The following LRRC31 variants were observed in gnomAD, a reference collection of about 807,000 sequenced individuals.
The protein encoded by LRRC31 is leucine rich repeat containing 31, also known as leucine-rich repeat-containing protein 31.
A neutral mutation model predicts 46.7 loss-of-function variants in LRRC31; 35 were observed. The ratio of observed to expected loss-of-function variants is 0.75; its 90% CI spans 0.57 to 0.99. LRRC31 has a LOEUF of 0.99. Ranked by LOEUF, LRRC31 falls within the 50% of genes least tolerant of loss-of-function variation. LRRC31 has a pLI of 0.00. For synonymous variants in LRRC31, 236 were observed against 235.1 expected (o/e 1.00, Z -0.03); for missense variants, 613 against 626.1 (o/e 0.98, Z 0.22).
At chr3:169,840,357 G>A in intron 8 of LRRC31, 44 bp from the exon 9 acceptor site, 3 of 1,582,960 alleles carry the variant, frequency 1.9e-6, no homozygotes. Flanking sequence ...CAAGAATACT[G>A]TCTGCCATGG....
chr3:169,863,684 T>A (rs1781241075), intron 1 of LRRC31, among the ~76,000 whole-genome samples: 1 of 152,200 alleles, frequency 6.6e-6, no homozygotes, highest in African/African-American at 2.4e-5. Flanking sequence ...GCATTTAATT[T>A]TGGGTAGAGT....
chr3:169,851,434 C>A lies in LRRC31; in HGVS notation c.1159+185G>T, dbSNP rs562182032. On this transcript the variant is annotated intron_variant, in intron 7 of 8. Transcript: ENST00000316428. Reference sequence around the variant, plus strand: ...TACAAACAACAACAACAAAAAAAACCCTGCACATACTAGAATCATTTTTAT... The same window carrying A: ...TACAAACAACAACAACAAAAAAAACACTGCACATACTAGAATCATTTTTAT... Among the ~76,000 whole-genome samples, 3 of 152,082 alleles carry A rather than the reference C, an allele frequency of 2.0e-5. No individual in the cohort carries two copies. In the East Asian group the frequency reaches 5.8e-4, roughly 29 times the overall value.
Position 169,863,518 on chromosome 3 carries a change from CTTGTGGCTTCCTGT to C in LRRC31, c.176-1719_176-1706del, listed in dbSNP as rs374077883. ...AACTACACCTGTAATCCACAGCAGT[CTTGTGGCTTCCTGT>C]TTGGTCTAAGAAAACCACACGTAGG... On this transcript the variant is annotated intron_variant, in intron 1 of 8. Transcript: ENST00000316428. 3.7e-3 allele frequency among the ~76,000 whole-genome samples: 570 copies of C among 152,340 alleles called. 2 individuals carry two copies. The highest frequency in any genetic ancestry group is 5.3e-3 in the Non-Finnish European group (358 of 68,028).
At chr3:169,856,982 A>G in intron 3 of LRRC31, 110 bp from the exon 4 acceptor site, 1 of 1,054,100 alleles carries the variant, frequency 9.5e-7, no homozygotes, top group African/African-American at 1.6e-5. Flanking sequence ...TGGGCCAGGT[A>G]CTGTCCTGTT....
rs1211232528 is a variant in LRRC31, at chr3:169,856,477, G to A, written c.682C>T (p.Leu228Phe). 1 of 1,601,814 alleles carries A rather than the reference G, an allele frequency of 6.2e-7. No individual in the cohort carries two copies. Among genetic ancestry groups the A allele is most frequent in the South Asian group, 1.1e-5 (1 of 88,958 alleles). Residue 228 changes from leucine to phenylalanine, a missense_variant, in exon 5 of 9, where the codon CTC becomes TTC. Leu to Phe is a conservative substitution (Grantham distance 22, BLOSUM62 0). Transcript: ENST00000316428. ...TTAATGGAAAGATCAAGTACTTCGA[G>A]ACTTTGCAGCATAGGTAGCAGTTGA... ...LGQLLPMLQS[L>F]EVLDLSINRD...
intron 1 of LRRC31, among the ~76,000 whole-genome samples, chr3:169,868,043 G>A (rs1011292777): frequency 3.3e-5 from 5 of 152,180 alleles, no homozygotes; most frequent in African/African-American, 7.2e-5. Context: ...TGTGGGAATT[G>A]AGCAATATAA....
At chr3:169,855,018 C>CA (rs1780899672) in intron 5 of LRRC31, 38 bp from the exon 6 acceptor site, 1 of 1,575,382 alleles carries the variant, frequency 6.3e-7, no homozygotes, top group Non-Finnish European at 8.6e-7. Context: ...GGTAGCTGGA[C>CA]ACAGTGGTGT....
chr3:169,844,316 AT>A (rs1448707686), intron 8 of LRRC31, among the ~76,000 whole-genome samples: 2 of 152,216 alleles, frequency 1.3e-5, no homozygotes, highest in African/African-American at 2.4e-5. Flanking sequence ...AATTATTATC[AT>A]TCATTATTAT....
intron 6 of LRRC31, among the ~76,000 whole-genome samples, chr3:169,854,001 A>G (rs747360274): frequency 3.9e-5 from 6 of 152,240 alleles, no homozygotes; most frequent in Admixed American, 2.6e-4. Flanking sequence ...GAGCATGGGC[A>G]AAGGGCCCAA....
intron 8 of LRRC31, among the ~76,000 whole-genome samples, chr3:169,843,519 T>A (rs917400141): frequency 1.3e-5 from 2 of 152,208 alleles, no homozygotes; most frequent in Non-Finnish European, 2.9e-5. Flanking sequence ...AGAAATTACT[T>A]AATGATGCAT....
intron 3 of LRRC31, among the ~76,000 whole-genome samples, chr3:169,858,534 G>T: frequency 6.6e-6 from 1 of 152,230 alleles, no homozygotes; most frequent in Non-Finnish European, 1.5e-5. Context: ...AATGGAGAAA[G>T]AAGGACTATC....
In LRRC31 at chr3:169,851,668, T is replaced by C. The variant is rs138030407; in HGVS notation, c.1110A>G (p.Ser370=). 161 of 1,614,212 alleles carry C rather than the reference T, an allele frequency of 1.0e-4. 2 individuals are homozygous for C. In the East Asian group the frequency reaches 3.5e-3, roughly 36 times the overall value. ...CCAAAGCACAGTTGTTGATAACTAA[T>C]GACTTCAATGCTGGTAAAAATCGGA... ...SRLRFLPALK[S]LVINNCALES... Residue 370 remains serine (S), a synonymous_variant, in exon 7 of 9, where the codon TCA becomes TCG. Coordinates refer to ENST00000316428, the MANE Select transcript of LRRC31 (RefSeq NM_024727.4).
chr3:169,865,639 G>A (rs1286576535), intron 1 of LRRC31, among the ~76,000 whole-genome samples: 1 of 152,188 alleles, frequency 6.6e-6, no homozygotes, highest in African/African-American at 2.4e-5. Context: ...GAAAGAGACA[G>A]CAAGAAAGCC....
At chr3:169,851,281 C>T (rs776690561) in intron 7 of LRRC31, among the ~76,000 whole-genome samples, 18 of 152,048 alleles carry the variant, frequency 1.2e-4, no homozygotes, top group African/African-American at 4.1e-4. Flanking sequence ...GGTATGGTGA[C>T]GTGCACCTGT....
chr3:169,848,116 A>G lies in LRRC31; in HGVS notation c.1327+4T>C. Reference sequence around the variant, plus strand: ...AGACCGCTTGGGAACAAGTAGATACACACCCAGGAGAGCCACATCCTCTGT... The same window carrying G: ...AGACCGCTTGGGAACAAGTAGATACGCACCCAGGAGAGCCACATCCTCTGT... On this transcript the variant is annotated splice_donor_region_variant and intron_variant, in intron 8 of 8. Transcript: ENST00000316428. 1 of 1,611,242 alleles carries G rather than the reference A, an allele frequency of 6.2e-7. No homozygotes were observed. Among genetic ancestry groups the G allele is most frequent in the Admixed American group, 1.7e-5 (1 of 59,952 alleles).
intron 3 of LRRC31, among the ~76,000 whole-genome samples, chr3:169,859,017 AG>A (rs11332275): frequency 0.42 from 28,192 of 66,456 alleles, 3,569 homozygotes; most frequent in East Asian, 0.67. Flanking sequence ...AAAAAAAAAA[AG>A]GGGGGGGGTG....
intron 6 of LRRC31, among the ~76,000 whole-genome samples, chr3:169,854,578 A>G (rs1780885036): frequency 6.6e-6 from 1 of 152,190 alleles, no homozygotes; most frequent in Admixed American, 6.5e-5. Flanking sequence ...ATTTTCCCTA[A>G]GTGCCAAATC....
At chr3:169,853,906 C>A (rs945907011) in intron 6 of LRRC31, among the ~76,000 whole-genome samples, 1 of 152,244 alleles carries the variant, frequency 6.6e-6, no homozygotes, top group Non-Finnish European at 1.5e-5. Context: ...TGGTGCCAAC[C>A]ATGTGCAGGT....
chr3:169,845,778 G>C (rs1266349349), intron 8 of LRRC31, among the ~76,000 whole-genome samples: 1 of 152,078 alleles, frequency 6.6e-6, no homozygotes, highest in East Asian at 1.9e-4. Context: ...AAAAATCTTT[G>C]AGAACTTAGA....
Sources: gnomAD v4.1 joint callset for allele counts (sites outside exome capture counted in the v4.1 genomes callset) on GRCh38, gnomAD v4.1.1 for gene constraint, MANE v1.5 for transcripts, NCBI Gene and HGNC (gene_info 2026-07-23, HGNC 2026-07-21) for gene names.